MED4: variants seen among roughly 807,000 people sequenced by gnomAD.
The protein encoded by MED4 is mediator of RNA polymerase II transcription subunit 4.
A neutral mutation model predicts 35.0 loss-of-function variants in MED4; 21 were observed. The observed-to-expected ratio is 0.60, with a 90% CI of 0.43 to 0.86. The LOEUF (loss-of-function observed/expected upper bound fraction) is 0.86, where lower values mean the gene tolerates loss of function less well. MED4 is among the 40% of genes least tolerant of loss of function. MED4 has a pLI of 0.00. For missense variants in MED4, 300 were observed against 319.4 expected (o/e 0.94, Z 0.46); for synonymous variants, 138 against 114.0 (o/e 1.21, Z -1.34).
chr13:48,093,198 T>C (rs1229376221), intron 1 of MED4, among the ~76,000 whole-genome samples: 1 of 152,178 alleles, frequency 6.6e-6, no homozygotes, highest in Admixed American at 6.5e-5. Context: ...AACAGGCTGG[T>C]GTGGAAAACT....
At chr13:48,083,931 T>C (rs17428797) in intron 3 of MED4, among the ~76,000 whole-genome samples, 12,410 of 152,232 alleles carry the variant, frequency 0.082, 693 homozygotes, top group Non-Finnish European at 0.12. Context: ...GTTAACCTAG[T>C]ATATGCATAT....
chr13:48,094,644 C>T (rs1476528146), intron 1 of MED4, among the ~76,000 whole-genome samples: 2 of 152,202 alleles, frequency 1.3e-5, no homozygotes, highest in African/African-American at 2.4e-5. Context: ...ATCCAGTCTA[C>T]CCTTCACTAC....
At chr13:48,084,503 T>A (rs948344834) in intron 3 of MED4, among the ~76,000 whole-genome samples, 9 of 152,222 alleles carry the variant, frequency 5.9e-5, no homozygotes, top group African/African-American at 2.2e-4. Context: ...ATTTAAGTCA[T>A]GAAATTCAGT....
At position 48,080,020 on chromosome 13, in the gene MED4, A is replaced by G. The variant is rs760236430; in HGVS notation, c.509-45T>C. The stretch of plus-strand genomic sequence containing the variant: ...ATTTAATTCAATCATATTTTAAAAA[A>G]TAAGTGTTAATATGTTATTTGACAT... On this transcript the variant is annotated intron_variant, in intron 5 of 6. Transcript: ENST00000258648. 6 of 1,589,240 alleles carry G rather than the reference A, an allele frequency of 3.8e-6. 1 individual carries two copies. Among genetic ancestry groups the G allele is most frequent in the Middle Eastern group, 3.4e-4 (2 of 5,812 alleles).
At chr13:48,091,215 A>T (rs891231527) in intron 1 of MED4, among the ~76,000 whole-genome samples, 1 of 152,232 alleles carries the variant, frequency 6.6e-6, no homozygotes, top group African/African-American at 2.4e-5. Context: ...CCTTACACAT[A>T]ATAAAATGAT....
intron 5 of MED4, among the ~76,000 whole-genome samples, chr13:48,081,364 C>T (rs1050988007): frequency 2.0e-5 from 3 of 152,136 alleles, no homozygotes; most frequent in Admixed American, 1.3e-4. Flanking sequence ...AAATCCAAAG[C>T]TTTAGAAGCA....
At chr13:48,092,298 G>A (rs796784044) in intron 1 of MED4, among the ~76,000 whole-genome samples, 7 of 152,078 alleles carry the variant, frequency 4.6e-5, no homozygotes, top group African/African-American at 1.7e-4. Context: ...TTTTAGTACA[G>A]ATGGGGTTTC....
chr13:48,094,812 G>A (rs1012847961), intron 1 of MED4, 142 bp downstream of exon 1: 12 of 1,229,224 alleles, frequency 9.8e-6, no homozygotes, highest in South Asian at 5.9e-5. Flanking sequence ...CGGACCCCAC[G>A]TCCATGACCC....
intron 5 of MED4, 32 bp from the exon 6 acceptor site, chr13:48,080,007 C>CATAT: frequency 6.2e-7 from 1 of 1,601,854 alleles, no homozygotes; most frequent in Non-Finnish European, 8.5e-7. Flanking sequence ...TTAATTCAAT[C>CATAT]ATATTTTAAA....
At chr13:48,078,854 A>G (rs1357631069) in intron 6 of MED4, among the ~76,000 whole-genome samples, 2 of 152,346 alleles carry the variant, frequency 1.3e-5, no homozygotes, top group East Asian at 3.9e-4. Flanking sequence ...ACAAAGCATT[A>G]TTAATGACAC....
At chr13:48,089,848 G>A (rs1320601871) in intron 2 of MED4, among the ~76,000 whole-genome samples, 2 of 152,114 alleles carry the variant, frequency 1.3e-5, no homozygotes, top group Non-Finnish European at 2.9e-5. Context: ...ACCCACCATG[G>A]AAAATTAGAA....
chr13:48,091,961 T>C (rs1011560096), intron 1 of MED4, among the ~76,000 whole-genome samples: 2 of 152,130 alleles, frequency 1.3e-5, no homozygotes, highest in African/African-American at 4.8e-5. Flanking sequence ...GACAGTTCAG[T>C]GCCCCAAAGA....
In MED4 at chr13:48,095,003, T is replaced by A; in HGVS notation, c.76A>T (p.Thr26Ser). Reference protein sequence around the residue: ...GGLGVAGGNSTRERLLSALED... With the variant: ...GGLGVAGGNSSRERLLSALED... The stretch of plus-strand genomic sequence containing the variant: ...AGCGCAGACAGCAGCCGCTCTCGTG[T>A]GCTGTTACCACCCGCCACTCCCAAA... Residue 26 changes from threonine to serine, a missense_variant, in exon 1 of 7, where the codon ACA becomes TCA. Physicochemically the swap from Thr to Ser is moderately conservative, Grantham distance 58. Transcript: ENST00000258648. 1 of 1,604,128 alleles carries A rather than the reference T, an allele frequency of 6.2e-7. No individual in the cohort carries two copies. Among genetic ancestry groups the A allele is most frequent in the Non-Finnish European group, 8.5e-7 (1 of 1,179,858 alleles).
chr13:48,087,253 T>G (rs1950855086), intron 2 of MED4, among the ~76,000 whole-genome samples: 1 of 151,858 alleles, frequency 6.6e-6, no homozygotes, highest in South Asian at 2.1e-4. Flanking sequence ...TAATCCCAGG[T>G]ACTCAGGAGG....
At chr13:48,088,997 C>T (rs572652775) in intron 2 of MED4, among the ~76,000 whole-genome samples, 144 of 152,138 alleles carry the variant, frequency 9.5e-4, no homozygotes, top group Non-Finnish European at 1.7e-3. Context: ...TTAATTATCA[C>T]CTTCTGAATA....
chr13:48,085,169 AATT>A (rs1950840033), intron 3 of MED4, among the ~76,000 whole-genome samples: 1 of 117,150 alleles, frequency 8.5e-6, no homozygotes, highest in Non-Finnish European at 1.9e-5. Context: ...GTGCCCAGCT[AATT>A]TTTTTTTTTT....
At chr13:48,088,290 G>C (rs945639134) in intron 2 of MED4, among the ~76,000 whole-genome samples, 1 of 152,144 alleles carries the variant, frequency 6.6e-6, no homozygotes, top group African/African-American at 2.4e-5. Flanking sequence ...AAGATTTGTT[G>C]AAGACTAAAA....
In MED4 at chr13:48,095,074, G is replaced by A; in HGVS notation, c.5C>T (p.Ala2Val). M[A>V]ASSSGEKEKE... ...CTCCTTCTCACCACTCGAAGACGCA[G>A]CCATTTTCCCCAGAGTCCCGCCACC... Residue 2 changes from alanine to valine, a missense_variant, in exon 1 of 7, where the codon GCT (alanine) becomes GTT (valine). Physicochemically the swap from Ala to Val is moderately conservative, Grantham distance 64. Coordinates refer to ENST00000258648, the MANE Select transcript of MED4 (RefSeq NM_014166.4). The A allele has an allele frequency of 6.2e-7, 1 of 1,603,490 alleles. No homozygotes were observed. The highest frequency in any genetic ancestry group is 8.5e-7 in the Non-Finnish European group (1 of 1,179,860).
chr13:48,081,225 T>C (rs529149690), intron 5 of MED4, among the ~76,000 whole-genome samples: 1 of 152,368 alleles, frequency 6.6e-6, no homozygotes, highest in East Asian at 1.9e-4. Context: ...ATGTTCACTG[T>C]TGGGTGCGTA....
Sources: allele counts gnomAD v4.1 joint callset (sites outside exome capture counted in the v4.1 genomes callset), GRCh38; gene constraint gnomAD v4.1.1; transcripts MANE v1.5; gene names NCBI Gene and HGNC (gene_info 2026-07-23, HGNC 2026-07-21).